The following NLRP3 variants were observed in gnomAD, a reference collection of about 807,000 sequenced individuals.
NLRP3 encodes NLR family pyrin domain containing 3, also known as NACHT, LRR and PYD domains-containing protein 3.
NLRP3 carries 48 observed loss-of-function variants against 91.3 expected under a neutral mutation model. The observed-to-expected ratio is 0.53, with a 90% CI of 0.42 to 0.67. NLRP3 has a LOEUF of 0.67. NLRP3 is among the 30% of genes least tolerant of loss of function. The pLI is 0.00. For missense variants in NLRP3, 982 were observed against 1,276.9 expected (o/e 0.77, Z 3.52); for synonymous variants, 561 against 507.9 (o/e 1.10, Z -1.41).
rs142624094 is a variant in NLRP3 at position 247,425,206 on chromosome 1, G to A, written c.1757G>A (p.Arg586Lys). 1 of 1,614,196 alleles carries A rather than the reference G, an allele frequency of 6.2e-7. No individual in the cohort carries two copies. Among genetic ancestry groups the A allele is most frequent in the South Asian group, 1.1e-5 (1 of 91,080 alleles). Residue 586 changes from arginine (R) to lysine (K), a missense_variant, in exon 4 of 10, where the codon AGG becomes AAG. Arg to Lys is a conservative substitution (Grantham distance 26). Coordinates refer to ENST00000336119, the MANE Select transcript of NLRP3 (RefSeq NM_001243133.2). This position sits in a 1 kb window ranked among gnomAD's most constrained non-coding sequence, Gnocchi z 4.1. The part of the protein sequence containing the change: ...RFLFGLVNQE[R>K]TSYLEKKLSC... ...CTCTTTGGCCTGGTAAACCAGGAGA[G>A]GACCTCCTACTTGGAGAAGAAATTA...
intron 7 of NLRP3, among the ~76,000 whole-genome samples, chr1:247,438,509 G>T (rs1663965599): frequency 6.7e-6 from 1 of 149,034 alleles, no homozygotes; most frequent in Non-Finnish European, 1.5e-5. Flanking sequence ...TCAGCCTTCT[G>T]AGTAGCAGGG....
At chr1:247,438,145 T>A (rs534995618) in intron 7 of NLRP3, among the ~76,000 whole-genome samples, 4 of 152,352 alleles carry the variant, frequency 2.6e-5, no homozygotes, top group South Asian at 2.1e-4. Flanking sequence ...AGTCTGAGAC[T>A]GAGGCATCAG....
chr1:247,444,747 T>A lies in NLRP3; in HGVS notation c.2931T>A (p.Asn977Lys). 1 of 1,614,108 alleles carries A rather than the reference T, an allele frequency of 6.2e-7. No individual in the cohort carries two copies. The highest frequency in any genetic ancestry group is 8.5e-7 in the Non-Finnish European group (1 of 1,180,000). Reference protein sequence around the residue: ...QSLRKLSLGNNDLGDLGVMMF... With the variant: ...QSLRKLSLGNKDLGDLGVMMF... The stretch of plus-strand genomic sequence containing the variant: ...TGCGAAAGCTGAGCCTGGGCAACAA[T>A]GACCTGGGCGACCTGGGGGTCATGA... Residue 977 changes from asparagine to lysine, a missense_variant, in exon 9 of 10, where the codon AAT becomes AAA. Coordinates refer to ENST00000336119, the MANE Select transcript of NLRP3 (RefSeq NM_001243133.2).
intron 9 of NLRP3, among the ~76,000 whole-genome samples, chr1:247,447,379 A>C (rs1369557730): frequency 6.6e-6 from 1 of 152,174 alleles, no homozygotes; most frequent in Non-Finnish European, 1.5e-5. Flanking sequence ...TCACAACTTC[A>C]TCTAACTCTA....
chr1:247,424,782 C>T lies in NLRP3; in HGVS notation c.1333C>T (p.Leu445Phe), dbSNP rs202121800. 3.1e-5 allele frequency: 50 copies of T among 1,611,330 alleles called. No homozygotes were observed. The highest frequency in any genetic ancestry group is 3.7e-5 in the Non-Finnish European group (44 of 1,180,038). The change falls in exon 4 of 10, where the codon CTT becomes TTT. Residue 445 changes from leucine to phenylalanine, a missense_variant. Leu to Phe is a conservative substitution (Grantham distance 22, BLOSUM62 0). Transcript: ENST00000336119. This position sits in a 1 kb window ranked among gnomAD's most constrained non-coding sequence, Gnocchi z 8.1. ...KTTTAVYVFF[L>F]SSLLQPRGGS... ...CACCACCGCGGTGTACGTCTTCTTCCTTTCCAGTTTGCTGCAGCCCCGGGG... is the reference window on the plus strand; with the variant it reads ...CACCACCGCGGTGTACGTCTTCTTCTTTTCCAGTTTGCTGCAGCCCCGGGG...
At position 247,448,517 on chromosome 1, in the gene NLRP3, G is replaced by C. The variant is rs1664748793; in HGVS notation, c.*13G>C. The C allele has an allele frequency of 3.2e-6, 5 of 1,551,976 alleles. No individual in the cohort carries two copies. The African/African-American group carries it at 4.1e-5, about 13-fold the overall frequency. On this transcript the variant is annotated 3_prime_UTR_variant, in exon 10 of 10. Coordinates refer to ENST00000336119, the MANE Select transcript of NLRP3 (RefSeq NM_001243133.2). ...GCCTTCTTGGTAGGAGTGGAAACGG[G>C]GCTGCCAGACGCCAGTGTTCTCCGG...
chr1:247,448,619 G>A lies in NLRP3; in HGVS notation c.*115G>A. ...AAGACCACAGCTCTGTGATCCTTCC[G>A]GTGGAGTGTCGGAGAAGAGAGCTTG... On this transcript the variant is annotated 3_prime_UTR_variant, in exon 10 of 10. Coordinates refer to ENST00000336119, the MANE Select transcript of NLRP3 (RefSeq NM_001243133.2). 1.3e-6 allele frequency: 1 copy of A among 753,216 alleles called. No homozygotes were observed. The highest frequency in any genetic ancestry group is 2.4e-6 in the Non-Finnish European group (1 of 410,276). The allele number at this position is 753,216 out of a possible 1,614,324, so 46.7% of individuals were successfully genotyped here.
At position 247,444,658 on chromosome 1, in the gene NLRP3, A is replaced by T; in HGVS notation, c.2842A>T (p.Asn948Tyr). 1 of 1,614,020 alleles carries T rather than the reference A, an allele frequency of 6.2e-7. No homozygotes were observed. Among genetic ancestry groups the T allele is most frequent in the East Asian group, 2.2e-5 (1 of 44,870 alleles). The change falls in exon 9 of 10, where the codon AAC (asparagine) becomes TAC (tyrosine). Residue 948 changes from asparagine to tyrosine, a missense_variant. By Grantham distance (143) the Asn-to-Tyr change is moderately radical. Around this residue, in one of 5 missense-constraint regions of NLRP3, gnomAD observed 373 missense variants for 431.5 expected, o/e 0.86. Coordinates refer to ENST00000336119, the MANE Select transcript of NLRP3 (RefSeq NM_001243133.2). ...ATCACCCCCTTTTTGCAGATTAGAC[A>T]ACTGCAACCTCACGTCACACTGCTG... ...DCKLQVLELD[N>Y]CNLTSHCCWD...
intron 5 of NLRP3, among the ~76,000 whole-genome samples, chr1:247,431,968 G>A (rs963370358): frequency 2.6e-5 from 4 of 151,884 alleles, no homozygotes; most frequent in South Asian, 2.1e-4. Flanking sequence ...GAGTGATCTC[G>A]GCTCACTGCA....
chr1:247,426,838 G>A (rs963483077), intron 4 of NLRP3, among the ~76,000 whole-genome samples: 1 of 152,166 alleles, frequency 6.6e-6, no homozygotes, highest in African/African-American at 2.4e-5. Flanking sequence ...GCCAGCTTCC[G>A]GAGGATGGGC....
Position 247,436,059 on chromosome 1 carries a change from G to C in NLRP3, c.2582G>C (p.Gly861Ala). The change falls in exon 7 of 10, where the codon GGG (glycine) becomes GCG (alanine). Residue 861 changes from glycine to alanine, a missense_variant. Around this residue, in one of 5 missense-constraint regions of NLRP3, gnomAD observed 373 missense variants for 431.5 expected, o/e 0.86. Transcript: ENST00000336119. ...TSHSLTRLYVGENALGDSGVA... is the reference protein window; with the variant it reads ...TSHSLTRLYVAENALGDSGVA... ...CATTCCCTGACCAGACTCTATGTGG[G>C]GGAGAATGCCTTGGGAGACTCAGGA... The C allele has an allele frequency of 1.2e-6, 2 of 1,614,154 alleles. No individual in the cohort carries two copies. Among genetic ancestry groups the C allele is most frequent in the Non-Finnish European group, 1.7e-6 (2 of 1,180,024 alleles).
chr1:247,417,439 C>G (rs1662136865), intron 1 of NLRP3, among the ~76,000 whole-genome samples: 1 of 152,128 alleles, frequency 6.6e-6, no homozygotes, highest in Non-Finnish European at 1.5e-5. Flanking sequence ...GCGAATTTTG[C>G]AAGGAGACAT....
intron 2 of NLRP3, among the ~76,000 whole-genome samples, chr1:247,422,373 T>C (rs1662525814): frequency 1.5e-5 from 1 of 67,932 alleles, no homozygotes; most frequent in Non-Finnish European, 2.9e-5. Context: ...AGTGAGGCCC[T>C]GTCTCAAAAA....
chr1:247,448,521 G>T lies in NLRP3; in HGVS notation c.*17G>T, dbSNP rs764241183. 5 of 1,487,346 alleles carry T rather than the reference G, an allele frequency of 3.4e-6. No individual in the cohort carries two copies. The African/African-American group carries it at 6.9e-5, about 21-fold the overall frequency. 92.1% of individuals were successfully genotyped at this position (1,487,346 alleles called of 1,614,324 possible). On this transcript the variant is annotated 3_prime_UTR_variant, in exon 10 of 10. Coordinates refer to ENST00000336119, the MANE Select transcript of NLRP3 (RefSeq NM_001243133.2). ...TCTTGGTAGGAGTGGAAACGGGGCT[G>T]CCAGACGCCAGTGTTCTCCGGTCCC... is the stretch of plus-strand genomic sequence containing the variant.
chr1:247,421,983 A>G (rs1027735917), intron 2 of NLRP3, among the ~76,000 whole-genome samples: 1 of 152,164 alleles, frequency 6.6e-6, no homozygotes, highest in Non-Finnish European at 1.5e-5. Context: ...TTGGAAACAA[A>G]GCAAGACTCT....
chr1:247,426,049 C>G (rs1662855031), intron 4 of NLRP3, among the ~76,000 whole-genome samples: 1 of 152,124 alleles, frequency 6.6e-6, no homozygotes, highest in South Asian at 2.1e-4. Context: ...GCAATCTAAG[C>G]CTCCTTTAAG....
At chr1:247,421,763 AT>A (rs1219911062) in intron 2 of NLRP3, among the ~76,000 whole-genome samples, 1 of 152,174 alleles carries the variant, frequency 6.6e-6, no homozygotes, top group African/African-American at 2.4e-5. Context: ...CCATATCTGG[AT>A]TTTGAGGCAG....
rs761390796 is a variant in NLRP3 at position 247,424,735 on chromosome 1, G to A, written c.1286G>A (p.Ser429Asn). 1.9e-6 allele frequency: 3 copies of A among 1,613,920 alleles called. No homozygotes were observed. The South Asian group carries it at 3.3e-5, about 18-fold the overall frequency. Residue 429 changes from serine to asparagine, a missense_variant, in exon 4 of 10, where the codon AGC becomes AAC. Physicochemically the swap from Ser to Asn is conservative, Grantham distance 46 (BLOSUM62 1). Coordinates refer to ENST00000336119, the MANE Select transcript of NLRP3 (RefSeq NM_001243133.2). This position sits in a 1 kb window ranked among gnomAD's most constrained non-coding sequence, Gnocchi z 8.1. ...AAACAGCAGATGGAGAGTGGCAAGA[G>A]CCTTGCCCAGACATCCAAGACCACC... Reference protein sequence around the residue: ...GLKQQMESGKSLAQTSKTTTA... With the variant: ...GLKQQMESGKNLAQTSKTTTA...
At chr1:247,429,511 C>T (rs1194617844) in intron 4 of NLRP3, 74 bp from the exon 5 acceptor site, 3 of 1,551,982 alleles carry the variant, frequency 1.9e-6, no homozygotes, top group South Asian at 2.2e-5. Flanking sequence ...GTGCCAGGCA[C>T]CCCGGCCCCC....
Sources: allele counts gnomAD v4.1 joint callset (sites outside exome capture counted in the v4.1 genomes callset), GRCh38; gene constraint gnomAD v4.1.1; regional missense constraint gnomAD v4.1.1; non-coding constraint Gnocchi (gnomAD v3.1); transcripts MANE v1.5; gene names NCBI Gene and HGNC (gene_info 2026-07-23, HGNC 2026-07-21).